The following FAM32A variants were observed in gnomAD, a reference collection of about 807,000 sequenced individuals.
FAM32A encodes family with sequence similarity 32 member A, also known as protein FAM32A.
A neutral mutation model predicts 15.8 loss-of-function variants in FAM32A; 9 were observed. The observed-to-expected ratio is 0.57, with a 90% CI of 0.34 to 1.00. The LOEUF (loss-of-function observed/expected upper bound fraction) is 1.00. FAM32A is among the 50% of genes least tolerant of loss of function. FAM32A has a pLI of 0.02. For missense variants in FAM32A, 113 were observed against 138.3 expected (o/e 0.82, Z 0.92); for synonymous variants, 64 against 54.9 (o/e 1.16, Z -0.73).
intron 3 of FAM32A, 112 bp downstream of exon 3, chr19:16,190,685 A>G: frequency 1.1e-6 from 1 of 927,762 alleles, no homozygotes; most frequent in Non-Finnish European, 1.7e-6. Flanking sequence ...AGGGAAGTTT[A>G]CCTAATAGAA....
intron 2 of FAM32A, among the ~76,000 whole-genome samples, chr19:16,189,015 G>T (rs959453123): frequency 2.8e-5 from 4 of 140,364 alleles, no homozygotes; most frequent in Non-Finnish European, 6.1e-5. Flanking sequence ...GTGCCTCAGT[G>T]CTTCTTTTTT....
chr19:16,185,809 G>T, intron 2 of FAM32A, 44 bp downstream of exon 2: 1 of 1,536,720 alleles, frequency 6.5e-7, no homozygotes, highest in Non-Finnish European at 8.8e-7. Context: ...AACACCCGGC[G>T]CCGGGAGACT....
Position 16,190,551 on chromosome 19 carries a change from A to G in FAM32A, c.248A>G (p.Lys83Arg). ...QMERILKKAS[K>R]THKQRVEDFN... ...GAAAGGATCCTAAAGAAGGCATCCAAAACCCACAAGCAGAGAGTGGAGGTG... is the reference window on the plus strand; with the variant it reads ...GAAAGGATCCTAAAGAAGGCATCCAGAACCCACAAGCAGAGAGTGGAGGTG... The change falls in exon 3 of 4, where the codon AAA becomes AGA. Residue 83 changes from lysine (K) to arginine (R), a missense_variant. By Grantham distance (26) the Lys-to-Arg change is conservative (BLOSUM62 2). Coordinates refer to ENST00000263384, the MANE Select transcript of FAM32A (RefSeq NM_014077.4). 2 of 1,613,514 alleles carry G rather than the reference A, an allele frequency of 1.2e-6. No individual in the cohort carries two copies. The highest frequency in any genetic ancestry group is 1.1e-5 in the South Asian group (1 of 90,966).
Position 16,191,104 on chromosome 19 carries a change from A to G in FAM32A, c.*149A>G, listed in dbSNP as rs1224363864. The G allele has an allele frequency of 1.1e-5, 7 of 663,204 alleles. No homozygotes were observed. The Admixed American group carries it at 1.6e-4, about 15-fold the overall frequency. The allele number at this position is 663,204 out of a possible 1,614,324, so 41.1% of individuals were successfully genotyped here. On this transcript the variant is annotated 3_prime_UTR_variant, in exon 4 of 4. Coordinates refer to ENST00000263384, the MANE Select transcript of FAM32A (RefSeq NM_014077.4). Reference sequence around the variant, plus strand: ...CTGCTTTTCGAAGCTGTGTACCCTCATTCTGGAACTTGATTAAAGTAAGAT... The same window carrying G: ...CTGCTTTTCGAAGCTGTGTACCCTCGTTCTGGAACTTGATTAAAGTAAGAT...
intron 2 of FAM32A, among the ~76,000 whole-genome samples, 158 bp downstream of exon 2, chr19:16,185,923 C>T (rs2091384203): frequency 6.6e-6 from 1 of 152,124 alleles, no homozygotes; most frequent in South Asian, 2.1e-4. Context: ...GAAGAGTCGC[C>T]CTCTGCCGGG....
chr19:16,185,511 C>G lies in FAM32A; in HGVS notation c.69C>G (p.Thr23=). Residue 23 remains threonine, a synonymous_variant, in exon 1 of 4, where the codon ACC becomes ACG. Transcript: ENST00000263384. ...AAGGCGTCGCAGAGCTGGGAGTGAC[C>G]AAGCGGTGAGGCCCGAGGGCCCGCG... ...KLKGVAELGV[T]KRKKKKKDKD... The G allele has an allele frequency of 3.2e-6, 5 of 1,566,084 alleles. No homozygotes were observed. Among genetic ancestry groups the G allele is most frequent in the Non-Finnish European group, 4.3e-6 (5 of 1,154,656 alleles).
rs1336797608 is a variant in FAM32A, at chr19:16,185,442, C to T, written c.-1C>T. The T allele has an allele frequency of 6.4e-7, 1 of 1,556,500 alleles. No homozygotes were observed. Among genetic ancestry groups the T allele is most frequent in the Admixed American group, 1.9e-5 (1 of 51,534 alleles). ...CAGCTACCGAAGCACTGGAGAGTGT[C>T]ATGGAGGCCTACGAGCAGGTCCAAA... On this transcript the variant is annotated 5_prime_UTR_variant, in exon 1 of 4. Transcript: ENST00000263384.
In FAM32A at chr19:16,185,769, A is replaced by G; in HGVS notation, c.216+4A>G. The G allele has an allele frequency of 1.3e-6, 2 of 1,547,996 alleles. No individual in the cohort carries two copies. The highest frequency in any genetic ancestry group is 1.7e-6 in the Non-Finnish European group (2 of 1,145,870). ...CGAGAAAATGCAGGAGAAGCGGGTG[A>G]GCAGAAGCAGAAGGCGGCGGGGAGG... On this transcript the variant is annotated splice_donor_region_variant and intron_variant, in intron 2 of 3. Transcript: ENST00000263384.
At chr19:16,190,740 G>C in intron 3 of FAM32A, 147 bp from the exon 4 acceptor site, 3 of 848,322 alleles carry the variant, frequency 3.5e-6, no homozygotes, top group Non-Finnish European at 6.0e-6. Context: ...CAGGGTTCAG[G>C]AGTCTGTAAG....
chr19:16,189,668 C>CTTT (rs71178652), intron 2 of FAM32A, among the ~76,000 whole-genome samples: 2,739 of 58,518 alleles, frequency 0.047, 518 homozygotes, highest in East Asian at 0.22. Context: ...CACTCCAACT[C>CTTT]TTTTTTTTTT....
Position 16,190,143 on chromosome 19 carries a change from A to G in FAM32A, c.217-377A>G, listed in dbSNP as rs927995761. Reference sequence around the variant, plus strand: ...GAAGTGTCACTTGAGCACCTGCTCTATGTCAGACCCTTTACCTCTCTCTTT... The same window carrying G: ...GAAGTGTCACTTGAGCACCTGCTCTGTGTCAGACCCTTTACCTCTCTCTTT... On this transcript the variant is annotated intron_variant, in intron 2 of 3. Coordinates refer to ENST00000263384, the MANE Select transcript of FAM32A (RefSeq NM_014077.4). Among the ~76,000 whole-genome samples the G allele has an allele frequency of 6.6e-5, 10 of 152,114 alleles. 1 individual carries two copies.
At position 16,185,456 on chromosome 19, in the gene FAM32A, A is replaced by T. The variant is rs768774298; in HGVS notation, c.14A>T (p.Glu5Val). 6.4e-7 allele frequency: 1 copy of T among 1,559,174 alleles called. No individual in the cohort carries two copies. Among genetic ancestry groups the T allele is most frequent in the Non-Finnish European group, 8.7e-7 (1 of 1,151,084 alleles). Reference protein sequence around the residue: MEAYEQVQKGPLKLK... With the variant: MEAYVQVQKGPLKLK... ...CTGGAGAGTGTCATGGAGGCCTACGAGCAGGTCCAAAAGGGACCCCTGAAG... is the reference window on the plus strand; with the variant it reads ...CTGGAGAGTGTCATGGAGGCCTACGTGCAGGTCCAAAAGGGACCCCTGAAG... The change falls in exon 1 of 4, where the codon GAG becomes GTG. Residue 5 changes from glutamate to valine, a missense_variant. Coordinates refer to ENST00000263384, the MANE Select transcript of FAM32A (RefSeq NM_014077.4).
chr19:16,191,035 T>G lies in FAM32A; in HGVS notation c.*80T>G, dbSNP rs1263904514. On this transcript the variant is annotated 3_prime_UTR_variant, in exon 4 of 4. Coordinates refer to ENST00000263384, the MANE Select transcript of FAM32A (RefSeq NM_014077.4). ...GTTGTGTGTGTTTCCTTTGGTATAT[T>G]CTGGAAACATGGCTACACACACCCT... The G allele has an allele frequency of 1.1e-5, 12 of 1,093,462 alleles. No homozygotes were observed. Among genetic ancestry groups the G allele is most frequent in the Non-Finnish European group, 1.7e-5 (12 of 710,580 alleles). The allele number at this position is 1,093,462 out of a possible 1,614,324, so 67.7% of individuals were successfully genotyped here.
In FAM32A at chr19:16,191,803, G is replaced by A. The variant is rs577146804; in HGVS notation, c.*848G>A. On this transcript the variant is annotated 3_prime_UTR_variant, in exon 4 of 4. Coordinates refer to ENST00000263384, the MANE Select transcript of FAM32A (RefSeq NM_014077.4). ...TCAGGGGTGACAGGACCAGGGCAGA[G>A]CCCCGGTACAAACAGACAAGGCTGC... is the stretch of plus-strand genomic sequence containing the variant. 6.6e-6 allele frequency: 1 copy of A among 152,418 alleles called. No individual in the cohort carries two copies. The highest frequency in any genetic ancestry group is 1.5e-5 in the Non-Finnish European group (1 of 68,106). 9.4% of individuals were successfully genotyped at this position (152,418 alleles called of 1,614,324 possible).
intron 2 of FAM32A, among the ~76,000 whole-genome samples, chr19:16,186,107 C>G (rs756873056): frequency 6.6e-6 from 1 of 152,142 alleles, no homozygotes; most frequent in Non-Finnish European, 1.5e-5. Flanking sequence ...CCTCAAGTTT[C>G]CTCTTCTGTA....
chr19:16,190,826 C>T (rs2091402927), intron 3 of FAM32A, 61 bp from the exon 4 acceptor site: 4 of 1,409,972 alleles, frequency 2.8e-6, no homozygotes, highest in Admixed American at 1.7e-5. Context: ...GGCAGTGCCA[C>T]TTCTCCCCAG....
rs375817075 is a variant in FAM32A at position 16,191,056 on chromosome 19, AC to A, written c.*104del. 2.7e-5 allele frequency: 24 copies of A among 884,068 alleles called. No individual in the cohort carries two copies. The Middle Eastern group carries it at 9.4e-4, about 34-fold the overall frequency. The allele number at this position is 884,068 out of a possible 1,614,324, so 54.8% of individuals were successfully genotyped here. A position where few individuals can be genotyped will look rare whatever the true frequency, so the allele number is the denominator to read the frequency against. ...ATATTCTGGAAACATGGCTACACAC[AC>A]CCTTGCATCTTCTGCTACAGACTGC... On this transcript the variant is annotated 3_prime_UTR_variant, in exon 4 of 4. Transcript: ENST00000263384.
chr19:16,185,932 G>C (rs2091384243), intron 2 of FAM32A, among the ~76,000 whole-genome samples, 167 bp downstream of exon 2: 1 of 152,164 alleles, frequency 6.6e-6, no homozygotes, highest in South Asian at 2.1e-4. Context: ...CCCTCTGCCG[G>C]GGGAGCTCCA....
rs781495772 is a variant in FAM32A at position 16,185,734 on chromosome 19, A to T, written c.185A>T (p.Gln62Leu). 2.6e-6 allele frequency: 4 copies of T among 1,553,728 alleles called. No homozygotes were observed. In the South Asian group the frequency reaches 4.7e-5, roughly 18 times the overall value. ...RRGLDKRTPA[Q>L]AAFEKMQEKR... ...GGCCTGGACAAGCGGACCCCGGCCC[A>T]GGCGGCCTTCGAGAAAATGCAGGAG... is the stretch of plus-strand genomic sequence containing the variant. Residue 62 changes from glutamine (Q) to leucine (L), a missense_variant, in exon 2 of 4, where the codon CAG becomes CTG. Gln to Leu is a moderately radical substitution (Grantham distance 113, BLOSUM62 -2). Transcript: ENST00000263384.
Sources: gnomAD v4.1 joint callset for allele counts (sites outside exome capture counted in the v4.1 genomes callset) on GRCh38, gnomAD v4.1.1 for gene constraint, MANE v1.5 for transcripts, NCBI Gene and HGNC (gene_info 2026-07-23, HGNC 2026-07-21) for gene names.